The following SKAP1 variants were observed in gnomAD, a reference collection of about 807,000 sequenced individuals.
SKAP1 encodes src kinase associated phosphoprotein 1.
In SKAP1, 44 loss-of-function variants were observed where a neutral mutation model predicts 58.5. The observed-to-expected ratio is 0.75, with a 90% CI of 0.59 to 0.97. The LOEUF is 0.97. SKAP1 is among the 50% of genes least tolerant of loss of function. The probability of loss-of-function intolerance (pLI) is 0.00; values close to 1 mark genes in which losing one functional copy is unlikely to be tolerated. For missense variants in SKAP1, 390 were observed against 435.2 expected (o/e 0.90, Z 0.92); for synonymous variants, 127 against 149.7 (o/e 0.85, Z 1.11).
chr17:48,183,521 T>G (rs982257835), intron 7 of SKAP1, among the ~76,000 whole-genome samples: 1 of 152,224 alleles, frequency 6.6e-6, no homozygotes, highest in Admixed American at 6.5e-5. Context: ...AGGTATATGC[T>G]ATACAAAGAA....
At chr17:48,292,726 T>C (rs577552770) in intron 4 of SKAP1, among the ~76,000 whole-genome samples, 1 of 152,346 alleles carries the variant, frequency 6.6e-6, no homozygotes, top group African/African-American at 2.4e-5. Context: ...TGGTAAGTTA[T>C]ACTGCAGGTC....
chr17:48,403,853 G>T (rs1436258123), intron 1 of SKAP1, among the ~76,000 whole-genome samples: 6 of 152,304 alleles, frequency 3.9e-5, no homozygotes, highest in Non-Finnish European at 8.8e-5. Context: ...TTGGGAGGCA[G>T]AGGCGGGCAG....
At chr17:48,288,369 A>C (rs1378407741) in intron 4 of SKAP1, among the ~76,000 whole-genome samples, 1 of 152,220 alleles carries the variant, frequency 6.6e-6, no homozygotes, top group East Asian at 1.9e-4. Context: ...AATCTATCAA[A>C]ATAGTGGCTG....
intron 4 of SKAP1, among the ~76,000 whole-genome samples, chr17:48,232,758 G>C (rs2065139086): frequency 6.6e-6 from 1 of 152,158 alleles, no homozygotes; most frequent in South Asian, 2.1e-4. Flanking sequence ...GGGTGCTCAG[G>C]CTGGCTCAAT....
chr17:48,317,539 A>C (rs994616721), intron 4 of SKAP1, among the ~76,000 whole-genome samples: 1 of 152,228 alleles, frequency 6.6e-6, no homozygotes, highest in Non-Finnish European at 1.5e-5. Flanking sequence ...TGTTCATAAA[A>C]ATTTCCTTTT....
chr17:48,319,224 C>A (rs2066328646), intron 4 of SKAP1, among the ~76,000 whole-genome samples: 1 of 152,200 alleles, frequency 6.6e-6, no homozygotes, highest in Admixed American at 6.5e-5. Context: ...AAGGTCTTCT[C>A]ATCTCCAGAG....
intron 4 of SKAP1, among the ~76,000 whole-genome samples, chr17:48,342,696 G>A (rs551060340): frequency 1.3e-5 from 2 of 152,258 alleles, no homozygotes; most frequent in South Asian, 2.1e-4. Flanking sequence ...CAAAATTCGA[G>A]AAGCCTAAAA....
intron 4 of SKAP1, among the ~76,000 whole-genome samples, chr17:48,257,702 A>AC (rs1223528004): frequency 7.1e-6 from 1 of 141,592 alleles, no homozygotes; most frequent in Non-Finnish European, 1.5e-5. Flanking sequence ...GGTCTCTCAC[A>AC]CTGCTCATCT....
intron 4 of SKAP1, among the ~76,000 whole-genome samples, chr17:48,277,593 T>C (rs1367974658): frequency 6.6e-6 from 1 of 152,184 alleles, no homozygotes; most frequent in Admixed American, 6.5e-5. Context: ...GTTATTAGAT[T>C]AGCCATGAAA....
intron 4 of SKAP1, among the ~76,000 whole-genome samples, chr17:48,276,318 T>C (rs1012458322): frequency 1.1e-4 from 16 of 152,242 alleles, no homozygotes; most frequent in South Asian, 4.1e-4. Flanking sequence ...AAATGTCTTC[T>C]CCTCTGTGAA....
intron 4 of SKAP1, among the ~76,000 whole-genome samples, chr17:48,272,045 T>C (rs1205693091): frequency 2.0e-5 from 3 of 152,204 alleles, no homozygotes; most frequent in Non-Finnish European, 4.4e-5. Context: ...GAATGATAGA[T>C]AACTATGTAC....
intron 9 of SKAP1, among the ~76,000 whole-genome samples, chr17:48,178,855 T>C (rs1263571875): frequency 6.6e-6 from 1 of 152,030 alleles, no homozygotes; most frequent in African/African-American, 2.4e-5. Flanking sequence ...GCTGGAGAAG[T>C]CGGGACTGGT....
At position 48,182,438 on chromosome 17, in the gene SKAP1, G is replaced by A; in HGVS notation, c.587C>T (p.Ala196Val). The change falls in exon 8 of 13, where the codon GCA (alanine) becomes GTA (valine). Residue 196 changes from alanine (A) to valine (V), a missense_variant. Transcript: ENST00000336915. ...TTGATCCACCCAGTCTCTGGCTTCTGCTGGACTAGTAGCTGTAAACTAGAG... is the reference window on the plus strand; with the variant it reads ...TTGATCCACCCAGTCTCTGGCTTCTACTGGACTAGTAGCTGTAAACTAGAG... The part of the protein sequence containing the change: ...RSYEFTATSP[A>V]EARDWVDQIS... 1 of 1,609,258 alleles carries A rather than the reference G, an allele frequency of 6.2e-7. No individual in the cohort carries two copies. Among genetic ancestry groups the A allele is most frequent in the Non-Finnish European group, 8.5e-7 (1 of 1,177,192 alleles).
chr17:48,188,278 C>A (rs1055819407), intron 5 of SKAP1, among the ~76,000 whole-genome samples: 9 of 152,218 alleles, frequency 5.9e-5, no homozygotes, highest in Admixed American at 4.6e-4. Flanking sequence ...ATTCTCCAGG[C>A]CTTGGCCATG....
At chr17:48,287,504 T>C (rs1485670420) in intron 4 of SKAP1, among the ~76,000 whole-genome samples, 1 of 151,928 alleles carries the variant, frequency 6.6e-6, no homozygotes, top group East Asian at 1.9e-4. Flanking sequence ...ATGGTATAAT[T>C]CAAAGCAGAA....
intron 4 of SKAP1, among the ~76,000 whole-genome samples, chr17:48,261,844 A>G (rs1282278647): frequency 6.8e-6 from 1 of 147,716 alleles, no homozygotes; most frequent in Admixed American, 6.9e-5. Context: ...ACACACAATG[A>G]AAGAATATTG....
At chr17:48,382,799 A>G (rs1342540547) in intron 2 of SKAP1, among the ~76,000 whole-genome samples, 1 of 152,258 alleles carries the variant, frequency 6.6e-6, no homozygotes, top group Middle Eastern at 3.2e-3. Flanking sequence ...GGTCTAGTAC[A>G]CATGACTGAA....
chr17:48,359,162 A>C (rs1312726309), intron 3 of SKAP1, among the ~76,000 whole-genome samples: 1 of 152,168 alleles, frequency 6.6e-6, no homozygotes, highest in Non-Finnish European at 1.5e-5. Flanking sequence ...AACATGTATA[A>C]AAGTAGACAA....
At chr17:48,352,483 A>G (rs1349913939) in intron 3 of SKAP1, among the ~76,000 whole-genome samples, 1 of 152,198 alleles carries the variant, frequency 6.6e-6, no homozygotes, top group African/African-American at 2.4e-5. Context: ...GCAACCAGGC[A>G]ATCATAATCT....
Sources: gnomAD v4.1 joint callset for allele counts (sites outside exome capture counted in the v4.1 genomes callset) on GRCh38, gnomAD v4.1.1 for gene constraint, MANE v1.5 for transcripts, NCBI Gene and HGNC (gene_info 2026-07-23, HGNC 2026-07-21) for gene names.